Variants in WDR70 observed in about 807,000 individuals in gnomAD.
WDR70 encodes the protein WD repeat-containing protein 70.
A neutral mutation model predicts 88.6 loss-of-function variants in WDR70; 53 were observed. That is an observed-to-expected ratio of 0.60 (90% CI 0.48 to 0.75). The LOEUF (loss-of-function observed/expected upper bound fraction) is 0.75, where lower values mean the gene tolerates loss of function less well. WDR70 is among the 30% of genes least tolerant of loss of function. WDR70 has a pLI of 0.00. For missense variants in WDR70, 610 were observed against 823.2 expected, an observed-to-expected ratio of 0.74 and a Z score of 3.17; for synonymous variants, 280 against 270.0, an observed-to-expected ratio of 1.04 and a Z score of -0.36.
chr5:37,508,146 T>TC (rs368440741), intron 8 of WDR70, among the ~76,000 whole-genome samples: 4 of 152,078 alleles, frequency 2.6e-5, no homozygotes, highest in Admixed American at 6.6e-5. Flanking sequence ...AATGTTTGTG[T>TC]CCCCCCCAAA....
intron 9 of WDR70, among the ~76,000 whole-genome samples, chr5:37,523,642 C>T (rs781310210): frequency 2.9e-4 from 44 of 152,156 alleles, no homozygotes; most frequent in East Asian, 7.7e-4. Flanking sequence ...ATGACTTAGA[C>T]GAGTTGAGAT....
intron 5 of WDR70, among the ~76,000 whole-genome samples, chr5:37,423,956 C>G (rs1750034335): frequency 6.7e-6 from 1 of 148,922 alleles, no homozygotes; most frequent in South Asian, 2.1e-4. Flanking sequence ...CAAGACCAGC[C>G]TGGCCAACAT....
At chr5:37,491,088 A>G (rs540899588) in intron 8 of WDR70, among the ~76,000 whole-genome samples, 43 of 152,176 alleles carry the variant, frequency 2.8e-4, no homozygotes, top group African/African-American at 1.0e-3. Context: ...TCAGCTTGTC[A>G]GGGTTAAGGG....
At chr5:37,560,210 T>C (rs1165242832) in intron 9 of WDR70, among the ~76,000 whole-genome samples, 1 of 152,232 alleles carries the variant, frequency 6.6e-6, no homozygotes, top group African/African-American at 2.4e-5. Context: ...CTTTTTTTAA[T>C]GTAAATATTA....
intron 8 of WDR70, chr5:37,505,609 A>T: frequency 1.4e-6 from 1 of 733,190 alleles, no homozygotes; most frequent in Non-Finnish European, 2.5e-6. Flanking sequence ...CTTCTTCTAG[A>T]CAACTGAGTG....
rs34462724 is a variant in WDR70 at position 37,512,583 on chromosome 5, A to ATT, written c.841-3916_841-3915dup. On this transcript the variant is annotated intron_variant, in intron 8 of 17. Coordinates refer to ENST00000265107, the MANE Select transcript of WDR70 (RefSeq NM_018034.4). ...GAGCCTGCACAGAATTGCATCTAGA[A>ATT]TTTTTTTTTTTTTTTTGAGACAGGG... Among the ~76,000 whole-genome samples the ATT allele has an allele frequency of 9.4e-3, 1,327 of 141,846 alleles. 24 individuals carry two copies. The highest frequency in any genetic ancestry group is 0.027 in the African/African-American group (1,049 of 38,412). 93.1% of individuals were successfully genotyped at this position (141,846 alleles called of 152,430 possible).
intron 9 of WDR70, among the ~76,000 whole-genome samples, chr5:37,572,087 A>G (rs1742920507): frequency 6.6e-6 from 1 of 152,154 alleles, no homozygotes; most frequent in African/African-American, 2.4e-5. Context: ...TGAGCTGAGG[A>G]ATTATGTTCT....
intron 9 of WDR70, among the ~76,000 whole-genome samples, chr5:37,557,409 G>A (rs1742322523): frequency 6.6e-6 from 1 of 152,122 alleles, no homozygotes; most frequent in African/African-American, 2.4e-5. Context: ...TGGAGACCAG[G>A]ACTTGAGACA....
In WDR70 at chr5:37,701,233, A is replaced by G. The variant is rs114673054; in HGVS notation, c.1277+91A>G. 3,465 of 798,604 alleles carry G rather than the reference A, an allele frequency of 4.3e-3. 23 individuals carry two copies. Among genetic ancestry groups the G allele is most frequent in the Middle Eastern group, 0.021 (77 of 3,672 alleles). 49.5% of individuals were successfully genotyped at this position (798,604 alleles called of 1,614,324 possible). On this transcript the variant is annotated intron_variant, in intron 12 of 17. Transcript: ENST00000265107. Reference sequence around the variant, plus strand: ...TGTTAATTTATATCATACGTCTTTTAGATCTTCTGGAAAAGAGACTTGAGA... The same window carrying G: ...TGTTAATTTATATCATACGTCTTTTGGATCTTCTGGAAAAGAGACTTGAGA...
At chr5:37,402,213 T>C (rs2111924595) in intron 5 of WDR70, among the ~76,000 whole-genome samples, 1 of 152,236 alleles carries the variant, frequency 6.6e-6, no homozygotes, top group East Asian at 1.9e-4. Context: ...CTTATTTCAC[T>C]TAACACAATG....
chr5:37,441,434 C>T (rs4869434), intron 6 of WDR70, among the ~76,000 whole-genome samples: 131,398 of 152,146 alleles, frequency 0.86, 59,952 homozygotes, highest in East Asian at 1. Flanking sequence ...GAATATGTTA[C>T]TTTGTCAGTA....
At chr5:37,498,974 TG>T (rs1400492807) in intron 8 of WDR70, among the ~76,000 whole-genome samples, 1 of 152,226 alleles carries the variant, frequency 6.6e-6, no homozygotes, top group Non-Finnish European at 1.5e-5. Context: ...GAGTTTCCGT[TG>T]CTCTGTAGCC....
chr5:37,742,690 T>C (rs538829760), intron 17 of WDR70, among the ~76,000 whole-genome samples: 12 of 152,358 alleles, frequency 7.9e-5, no homozygotes, highest in African/African-American at 2.9e-4. Flanking sequence ...ATGAGTTATA[T>C]AGTTTTATCT....
intron 7 of WDR70, among the ~76,000 whole-genome samples, chr5:37,473,272 G>A (rs776856545): frequency 2.0e-5 from 3 of 149,400 alleles, no homozygotes; most frequent in Admixed American, 2.0e-4. Flanking sequence ...GGAGATACAC[G>A]TACACACACA....
At chr5:37,438,908 G>GTTTTTTTTTTTTT (rs5867350) in intron 6 of WDR70, among the ~76,000 whole-genome samples, 3 of 146,216 alleles carry the variant, frequency 2.1e-5, no homozygotes, top group Non-Finnish European at 3.0e-5. Flanking sequence ...GTCCTCATTC[G>GTTTTTTTTTTTTT]TTTTTTTTTT....
At chr5:37,726,715 T>G (rs1455012847) in intron 16 of WDR70, among the ~76,000 whole-genome samples, 168 bp from the exon 17 acceptor site, 1 of 152,188 alleles carries the variant, frequency 6.6e-6, no homozygotes, top group Non-Finnish European at 1.5e-5. Context: ...TATCGGGAAG[T>G]TGAGGTTTGG....
At chr5:37,620,621 T>A (rs961208692) in intron 10 of WDR70, among the ~76,000 whole-genome samples, 7 of 152,202 alleles carry the variant, frequency 4.6e-5, no homozygotes, top group Non-Finnish European at 7.3e-5. Context: ...CACTCCATTT[T>A]TTTTTGTATC....
chr5:37,745,183 A>G (rs899793380), intron 17 of WDR70, among the ~76,000 whole-genome samples: 2 of 152,144 alleles, frequency 1.3e-5, no homozygotes, highest in Non-Finnish European at 2.9e-5. Context: ...AATAAGCTTC[A>G]TAAGCGAAGG....
chr5:37,505,862 A>G (rs1486784597), intron 8 of WDR70: 1 of 1,372,204 alleles, frequency 7.3e-7, no homozygotes, highest in Non-Finnish European at 1.0e-6. Flanking sequence ...TCAACTTTGC[A>G]TTTTTTAAGG....
Sources: allele counts gnomAD v4.1 joint callset (sites outside exome capture counted in the v4.1 genomes callset), GRCh38; gene constraint gnomAD v4.1.1; transcripts MANE v1.5; gene names NCBI Gene and HGNC (gene_info 2026-07-23, HGNC 2026-07-21).